Variants in UNKL observed in about 807,000 individuals in gnomAD.
The protein encoded by UNKL is unk like zinc finger.
In UNKL, 60 loss-of-function variants were observed where a neutral mutation model predicts 78.0. The ratio of observed to expected loss-of-function variants is 0.77; its 90% confidence interval spans 0.63 to 0.95. The LOEUF (loss-of-function observed/expected upper bound fraction) is 0.95. Among genes scored for constraint, UNKL ranks in the 40% least tolerant of loss-of-function variants. UNKL has a pLI of 0.00. For missense variants in UNKL, 1,159 were observed against 1,045.7 expected, an observed-to-expected ratio of 1.11 and a Z score of -1.49; for synonymous variants, 608 against 474.8, an observed-to-expected ratio of 1.28 and a Z score of -3.65.
At chr16:1,392,849 C>T (rs1002487734) in intron 8 of UNKL, 42 bp downstream of exon 8, 1 of 1,548,070 alleles carries the variant, frequency 6.5e-7, no homozygotes, top group East Asian at 2.4e-5. Flanking sequence ...TCAATTAAAC[C>T]AAAGGACACT....
intron 11 of UNKL, 73 bp downstream of exon 11, chr16:1,371,446 G>A (rs2035830536): frequency 6.8e-7 from 1 of 1,465,370 alleles, no homozygotes; most frequent in Non-Finnish European, 9.2e-7. Flanking sequence ...CCGGGCTCAA[G>A]CGATCCTCCG....
intron 11 of UNKL, 71 bp downstream of exon 11, chr16:1,371,448 G>A (rs935949240): frequency 1.4e-4 from 203 of 1,471,818 alleles, no homozygotes; most frequent in Non-Finnish European, 1.7e-4. Flanking sequence ...GGGCTCAAGC[G>A]ATCCTCCGGC....
At chr16:1,412,481 G>A (rs888863982) in intron 2 of UNKL, among the ~76,000 whole-genome samples, 12 of 152,046 alleles carry the variant, frequency 7.9e-5, no homozygotes, top group African/African-American at 2.2e-4. Context: ...GCGTGGTGGC[G>A]GGTGCCTGTA....
chr16:1,386,812 A>C (rs1178642402), intron 9 of UNKL, among the ~76,000 whole-genome samples: 3 of 152,054 alleles, frequency 2.0e-5, no homozygotes, highest in Non-Finnish European at 4.4e-5. Context: ...TGGATACCAG[A>C]TTTGCCCCTC....
intron 10 of UNKL, chr16:1,383,824 G>GC (rs1209088108): frequency 4.5e-6 from 2 of 440,358 alleles, no homozygotes; most frequent in East Asian, 1.4e-4. Flanking sequence ...TGCAGCGAGG[G>GC]CCCCCACCAC....
rs764188387 is a variant in UNKL at position 1,414,073 on chromosome 16, G to A, written c.78-18C>T. The A allele has an allele frequency of 6.6e-7, 1 of 1,525,518 alleles. No homozygotes were observed. Among genetic ancestry groups the A allele is most frequent in the South Asian group, 1.2e-5 (1 of 83,160 alleles). 94.5% of individuals were successfully genotyped at this position (1,525,518 alleles called of 1,614,324 possible). The stretch of plus-strand genomic sequence containing the variant: ...TCAGGTACCTACAAACACAGACAGC[G>A]CCGCGGCTCGCTTCCGGCAGCACCT... On this transcript the variant is annotated intron_variant, in intron 1 of 14. Transcript: ENST00000389221.
At chr16:1,382,685 C>A (rs527519470) in intron 10 of UNKL, among the ~76,000 whole-genome samples, 112 of 152,302 alleles carry the variant, frequency 7.4e-4, no homozygotes, top group African/African-American at 2.6e-3. Context: ...AGGTCGGGCA[C>A]AATGGTTCAC....
intron 10 of UNKL, among the ~76,000 whole-genome samples, chr16:1,374,957 G>A (rs995910704): frequency 4.6e-5 from 7 of 152,212 alleles, no homozygotes; most frequent in South Asian, 2.1e-4. Context: ...GAGATTTGTC[G>A]GGAACACAGC....
intron 1 of UNKL, 23 bp from the exon 2 acceptor site, chr16:1,414,078 G>C (rs2038169919): frequency 6.6e-7 from 1 of 1,524,374 alleles, no homozygotes; most frequent in South Asian, 1.2e-5. Context: ...ACAGCGCCGC[G>C]GCTCGCTTCC....
At chr16:1,402,590 G>C (rs974663075) in intron 3 of UNKL, among the ~76,000 whole-genome samples, 6 of 152,094 alleles carry the variant, frequency 3.9e-5, no homozygotes, top group Non-Finnish European at 7.4e-5. Flanking sequence ...GTGAACCCAG[G>C]AGGTAGACGT....
chr16:1,367,439 C>CCCCCCCCCCCT, intron 13 of UNKL, 90 bp from the exon 14 acceptor site: 1 of 1,465,940 alleles, frequency 6.8e-7, no homozygotes, highest in Non-Finnish European at 9.1e-7. Flanking sequence ...CCTCCCCTCC[C>CCCCCCCCCCCT]CTCCCCAGCA....
intron 9 of UNKL, among the ~76,000 whole-genome samples, chr16:1,388,451 G>T (rs2036909201): frequency 6.6e-6 from 1 of 152,148 alleles, no homozygotes; most frequent in South Asian, 2.1e-4. Flanking sequence ...CAGCCTACTG[G>T]AGGCCATAAA....
rs1221503448 is a variant in UNKL at position 1,399,329 on chromosome 16, A to G, written c.734+45T>C. The G allele has an allele frequency of 4.0e-6, 6 of 1,512,522 alleles. No homozygotes were observed. Among genetic ancestry groups the G allele is most frequent in the Non-Finnish European group, 5.3e-6 (6 of 1,131,250 alleles). 93.7% of individuals were successfully genotyped at this position (1,512,522 alleles called of 1,614,324 possible). A position where few individuals can be genotyped will look rare whatever the true frequency, so the allele number is the denominator to read the frequency against. ...CAACGCGAGCCACGGGCCGGGAAGG[A>G]CGCCCACCAGCCGGAGTCCTCTGAG... On this transcript the variant is annotated intron_variant, in intron 5 of 14. Transcript: ENST00000389221. This position sits in a 1 kb window ranked among gnomAD's most constrained non-coding sequence, Gnocchi z 5.8.
rs1441947990 is a variant in UNKL, at chr16:1,403,205, C to T, written c.427G>A (p.Gly143Ser). Residue 143 changes from glycine (G) to serine (S), a missense_variant, in exon 3 of 15, where the codon GGC becomes AGC. Physicochemically the swap from Gly to Ser is moderately conservative, Grantham distance 56. Transcript: ENST00000389221. This position sits in a 1 kb window ranked among gnomAD's most constrained non-coding sequence, Gnocchi z 4.8. ...KNGLHCAFAH[G>S]PLDLRPPVCD... ...ACGGGCGGCCGCAGGTCCAGGGGGC[C>T]GTGCGCGAAGGCACAGTGCAGCCCA... 4.3e-6 allele frequency: 7 copies of T among 1,613,760 alleles called. No individual in the cohort carries two copies. Among genetic ancestry groups the T allele is most frequent in the Admixed American group, 1.7e-5 (1 of 59,966 alleles).
chr16:1,368,822 A>G (rs1028837992), intron 12 of UNKL, among the ~76,000 whole-genome samples: 2 of 152,082 alleles, frequency 1.3e-5, no homozygotes, highest in African/African-American at 4.8e-5. Context: ...AATCATTTTA[A>G]CCCGGAAGGC....
chr16:1,388,251 G>A (rs1239085033), intron 9 of UNKL, among the ~76,000 whole-genome samples: 1 of 152,208 alleles, frequency 6.6e-6, no homozygotes. Context: ...GCACCACAGT[G>A]CAGGTGCCAC....
intron 12 of UNKL, 100 bp downstream of exon 12, chr16:1,370,030 C>T: frequency 6.4e-7 from 1 of 1,551,160 alleles, no homozygotes; most frequent in Non-Finnish European, 8.7e-7. Context: ...ACAGATAGGG[C>T]ACAAGGTTCC....
chr16:1,398,524 A>C, intron 5 of UNKL: 1 of 1,310,800 alleles, frequency 7.6e-7, no homozygotes, highest in South Asian at 1.6e-5. Context: ...GTCCTTCCCA[A>C]AGGAAGCACA....
chr16:1,383,339 G>T (rs1328693990), intron 10 of UNKL, among the ~76,000 whole-genome samples: 5 of 151,236 alleles, frequency 3.3e-5, no homozygotes, highest in Non-Finnish European at 5.9e-5. Context: ...AAAATGTAAA[G>T]GCCTGGGCTC....
Sources: gnomAD v4.1 joint callset for allele counts (sites outside exome capture counted in the v4.1 genomes callset) on GRCh38, gnomAD v4.1.1 for gene constraint, Gnocchi (gnomAD v3.1) non-coding constraint, MANE v1.5 for transcripts, NCBI Gene and HGNC (gene_info 2026-07-23, HGNC 2026-07-21) for gene names.